Variants in ERG observed in about 807,000 individuals in gnomAD.
ERG encodes the protein transcriptional regulator ERG.
In ERG, 9 loss-of-function variants were observed where a neutral mutation model predicts 55.3. That is an observed-to-expected ratio of 0.16 (90% CI 0.10 to 0.28). The LOEUF is 0.28. ERG is among the 10% of genes least tolerant of loss of function. The probability of loss-of-function intolerance (pLI) is 1.00; values close to 1 mark genes in which losing one functional copy is unlikely to be tolerated. For synonymous variants in ERG, 223 were observed against 237.3 expected (o/e 0.94, Z 0.55); for missense variants, 434 against 631.6 (o/e 0.69, Z 3.35).
intron 2 of ERG, among the ~76,000 whole-genome samples, chr21:38,426,412 GT>G (rs1989825280): frequency 6.6e-6 from 1 of 152,232 alleles, no homozygotes; most frequent in African/African-American, 2.4e-5. Context: ...GGGAAGAGAA[GT>G]TAGAGGGATT....
chr21:38,518,996 G>A (rs933102646), intron 2 of ERG, among the ~76,000 whole-genome samples: 3 of 152,126 alleles, frequency 2.0e-5, no homozygotes, highest in African/African-American at 7.2e-5. Flanking sequence ...AACTGCACAG[G>A]CAGTCATAAA....
intron 1 of ERG, among the ~76,000 whole-genome samples, chr21:38,655,569 G>T (rs2146992145): frequency 6.6e-6 from 1 of 152,296 alleles, no homozygotes; most frequent in Non-Finnish European, 1.5e-5. Flanking sequence ...AACGCACTTG[G>T]CTCCGAACAA....
intron 1 of ERG, among the ~76,000 whole-genome samples, chr21:38,473,642 G>A (rs1284387669): frequency 6.6e-6 from 1 of 152,096 alleles, no homozygotes; most frequent in Non-Finnish European, 1.5e-5. Flanking sequence ...GAAAATAATT[G>A]AGAGAGGGAA....
chr21:38,595,075 G>T (rs1433365283), intron 1 of ERG, among the ~76,000 whole-genome samples: 2 of 152,168 alleles, frequency 1.3e-5, no homozygotes, highest in Non-Finnish European at 2.9e-5. Context: ...CAGGCACATT[G>T]GTTGGACGAT....
At chr21:38,481,973 C>G (rs957216609) in intron 1 of ERG, among the ~76,000 whole-genome samples, 1 of 152,148 alleles carries the variant, frequency 6.6e-6, no homozygotes, top group Non-Finnish European at 1.5e-5. Flanking sequence ...TGGATAAATG[C>G]TGGTAGGTGT....
chr21:38,408,081 A>T (rs2088348994), intron 3 of ERG, among the ~76,000 whole-genome samples: 1 of 152,154 alleles, frequency 6.6e-6, no homozygotes, highest in African/African-American at 2.4e-5. Flanking sequence ...ACATCCTTTT[A>T]GCATTTGATC....
chr21:38,558,508 A>G (rs997611305), intron 2 of ERG, among the ~76,000 whole-genome samples: 2 of 152,246 alleles, frequency 1.3e-5, no homozygotes, highest in Non-Finnish European at 2.9e-5. Context: ...AAAGTCAAAC[A>G]TTAGTGTGTG....
intron 3 of ERG, among the ~76,000 whole-genome samples, chr21:38,403,919 G>A (rs577408991): frequency 1.3e-5 from 2 of 152,226 alleles, no homozygotes; most frequent in African/African-American, 2.4e-5. Flanking sequence ...GAATAGTTCT[G>A]GAATCTTGGG....
intron 2 of ERG, among the ~76,000 whole-genome samples, chr21:38,545,336 C>G (rs963553186): frequency 1.3e-5 from 2 of 152,202 alleles, no homozygotes; most frequent in African/African-American, 4.8e-5. Context: ...TATTCTCCCC[C>G]TTCACTCTTG....
At chr21:38,435,669 A>G (rs1990412555) in intron 2 of ERG, among the ~76,000 whole-genome samples, 2 of 152,296 alleles carry the variant, frequency 1.3e-5, no homozygotes, top group South Asian at 4.1e-4. Flanking sequence ...AAGGGGCTCG[A>G]TGTTTCCCTG....
At chr21:38,592,080 A>G (rs182614378) in intron 1 of ERG, among the ~76,000 whole-genome samples, 1 of 152,116 alleles carries the variant, frequency 6.6e-6, no homozygotes, top group African/African-American at 2.4e-5. Context: ...GGAAGGTGGG[A>G]CCCCACTGTC....
intron 3 of ERG, among the ~76,000 whole-genome samples, chr21:38,409,488 TAAAAAAAAAAAA>T (rs71330329): frequency 2.5e-5 from 2 of 79,538 alleles, no homozygotes; most frequent in Non-Finnish European, 4.5e-5. Context: ...CTCCGTCTCA[TAAAAAAAAAAAA>T]AAAAAAAAAA....
intron 1 of ERG, among the ~76,000 whole-genome samples, chr21:38,644,711 A>T (rs1203197561): frequency 1.3e-5 from 2 of 152,172 alleles, no homozygotes; most frequent in Admixed American, 1.3e-4. Context: ...TTTTGGGGGA[A>T]AAAATTGCCA....
At chr21:38,644,137 T>A (rs960353221) in intron 1 of ERG, among the ~76,000 whole-genome samples, 1 of 152,188 alleles carries the variant, frequency 6.6e-6, no homozygotes, top group Non-Finnish European at 1.5e-5. Flanking sequence ...CAGGTCTGAA[T>A]TGAGGTCAAG....
chr21:38,563,466 A>G (rs1424944159), intron 2 of ERG, among the ~76,000 whole-genome samples: 1 of 152,266 alleles, frequency 6.6e-6, no homozygotes, highest in African/African-American at 2.4e-5. Flanking sequence ...GCTCTAAAAA[A>G]TAAAGTCTGT....
At chr21:38,542,166 T>G (rs2059757573) in intron 2 of ERG, among the ~76,000 whole-genome samples, 2 of 152,108 alleles carry the variant, frequency 1.3e-5, no homozygotes, top group African/African-American at 4.8e-5. Flanking sequence ...TTTACATTTT[T>G]GGTAGAGATG....
At chr21:38,649,230 C>T (rs1017997215) in intron 1 of ERG, among the ~76,000 whole-genome samples, 12 of 152,290 alleles carry the variant, frequency 7.9e-5, no homozygotes, top group African/African-American at 2.9e-4. Context: ...CCGAGGGCTG[C>T]GGCAGGCAGC....
chr21:38,642,312 A>G (rs1158027256), intron 1 of ERG, among the ~76,000 whole-genome samples: 1 of 152,282 alleles, frequency 6.6e-6, no homozygotes, highest in African/African-American at 2.4e-5. Flanking sequence ...CTGAGTGCAG[A>G]AAGATTTAAT....
chr21:38,416,933 TC>T (rs1989306861), intron 3 of ERG, among the ~76,000 whole-genome samples: 1 of 152,168 alleles, frequency 6.6e-6, no homozygotes, highest in African/African-American at 2.4e-5. Context: ...CAAAGGGCTT[TC>T]GAAATCACAT....
Sources: allele counts gnomAD v4.1 joint callset (sites outside exome capture counted in the v4.1 genomes callset), GRCh38; gene constraint gnomAD v4.1.1; transcripts MANE v1.5; gene names NCBI Gene and HGNC (gene_info 2026-07-23, HGNC 2026-07-21).